Variants in IZUMO4 observed in about 807,000 individuals in gnomAD.
The protein encoded by IZUMO4 is IZUMO family member 4, also known as izumo sperm-egg fusion protein 4.
Under a neutral mutation model 37.1 loss-of-function variants are expected in IZUMO4, and 51 were observed. The observed-to-expected ratio is 1.38, with a 90% CI of 1.10 to 1.74. The LOEUF is 1.74. Among genes scored for constraint, IZUMO4 ranks in the 40% most tolerant of loss-of-function variants. IZUMO4 has a pLI of 0.00. For missense variants in IZUMO4, 364 were observed against 299.6 expected, an observed-to-expected ratio of 1.21 and a Z score of -1.59; for synonymous variants, 162 against 121.4, an observed-to-expected ratio of 1.33 and a Z score of -2.20.
chr19:2,099,251 G>A lies in IZUMO4; in HGVS notation c.609-4G>A, dbSNP rs11668205. Reference sequence around the variant, plus strand: ...AGAGCTGAGGCAGCCTCGTCTCCCCGCAGCCTGGTATCGCCAGCCTTAAGG... The same window carrying A: ...AGAGCTGAGGCAGCCTCGTCTCCCCACAGCCTGGTATCGCCAGCCTTAAGG... On this transcript the variant is annotated splice_polypyrimidine_tract_variant and splice_region_variant and intron_variant, in intron 9 of 9. Transcript: ENST00000395301. 182,378 of 1,609,968 alleles carry A rather than the reference G, an allele frequency of 0.11. 10,967 individuals carry two copies. The highest frequency in any genetic ancestry group is 0.12 in the Admixed American group (7,432 of 59,966).
At chr19:2,099,050 AGGCCTC>A in intron 9 of IZUMO4, 21 bp downstream of exon 9, 1 of 1,609,906 alleles carries the variant, frequency 6.2e-7, no homozygotes, top group Non-Finnish European at 8.5e-7. Flanking sequence ...CAGAGAAGGG[AGGCCTC>A]GGGAGAAGGG....
chr19:2,099,543 C>A lies in IZUMO4; in HGVS notation c.*198C>A. 3.4e-6 allele frequency: 2 copies of A among 588,150 alleles called. No homozygotes were observed. The highest frequency in any genetic ancestry group is 3.1e-6 in the Non-Finnish European group (1 of 327,690). The allele number at this position is 588,150 out of a possible 1,614,324, so 36.4% of individuals were successfully genotyped here. A position where few individuals can be genotyped will look rare whatever the true frequency, so the allele number is the denominator to read the frequency against. Reference sequence around the variant, plus strand: ...GCGCAGCATCAGCGCCTGGGCAGGTCCGCAGAGCTGCGGGATGTGATTAAA... The same window carrying A: ...GCGCAGCATCAGCGCCTGGGCAGGTACGCAGAGCTGCGGGATGTGATTAAA... On this transcript the variant is annotated 3_prime_UTR_variant, in exon 10 of 10. Transcript: ENST00000395301.
chr19:2,097,759 T>C, intron 3 of IZUMO4, 170 bp from the exon 4 acceptor site: 1 of 825,834 alleles, frequency 1.2e-6, no homozygotes. Context: ...ACGCTGGGGG[T>C]CAACCTGGGG....
rs1344820972 is a variant in IZUMO4, at chr19:2,099,338, AG to A, written c.693del (p.Gln231HisfsTer44). 2.5e-6 allele frequency: 4 copies of A among 1,611,688 alleles called. No homozygotes were observed. The highest frequency in any genetic ancestry group is 3.4e-6 in the Non-Finnish European group (4 of 1,178,952). ...GAAGATGCTGCTGAGTGTCTCAAGC[AG>A]CACTGACAGCAGCTGGGCCTGCCCC... is the stretch of plus-strand genomic sequence containing the variant. ...TLEDAAECLK[Q>X]H On this transcript the variant is annotated frameshift_variant, in exon 10 of 10. Transcript: ENST00000395301. LOFTEE classifies it high-confidence loss of function.
chr19:2,097,387 C>A (rs751483487), intron 2 of IZUMO4, 37 bp from the exon 3 acceptor site: 162 of 1,610,104 alleles, frequency 1.0e-4, no homozygotes, highest in Non-Finnish European at 1.3e-4. Flanking sequence ...CCCCGCCCAC[C>A]GCCTGAGCCT....
At position 2,099,489 on chromosome 19, in the gene IZUMO4, G is replaced by A. The variant is rs1056407341; in HGVS notation, c.*144G>A. 11 of 592,214 alleles carry A rather than the reference G, an allele frequency of 1.9e-5. No individual in the cohort carries two copies. Among genetic ancestry groups the A allele is most frequent in the Non-Finnish European group, 3.1e-5 (10 of 324,936 alleles). 36.7% of individuals were successfully genotyped at this position (592,214 alleles called of 1,614,324 possible). Reference sequence around the variant, plus strand: ...AGCTGAGCTGGCCAGGGCCAGGAGGGCGGGAGGGAGGGAATGGGGGTGGGC... The same window carrying A: ...AGCTGAGCTGGCCAGGGCCAGGAGGACGGGAGGGAGGGAATGGGGGTGGGC... On this transcript the variant is annotated 3_prime_UTR_variant, in exon 10 of 10. Transcript: ENST00000395301.
chr19:2,097,585 G>C, intron 3 of IZUMO4, 90 bp downstream of exon 3: 1 of 1,136,320 alleles, frequency 8.8e-7, no homozygotes, highest in Non-Finnish European at 1.3e-6. Flanking sequence ...ATGTGAACAG[G>C]GCACCTGGCA....
rs772214977 is a variant in IZUMO4 at position 2,097,177 on chromosome 19, C to A, written c.217+15C>A. On this transcript the variant is annotated intron_variant, in intron 1 of 9. Transcript: ENST00000395301. ...CGCCAAGATCAGTGAGTGCCGGAGC[C>A]CAGCCCAGTCCCGACTACCCCGCCA... 6.2e-7 allele frequency: 1 copy of A among 1,606,078 alleles called. No homozygotes were observed. The highest frequency in any genetic ancestry group is 8.5e-7 in the Non-Finnish European group (1 of 1,175,132).
chr19:2,098,670 GT>G, intron 7 of IZUMO4, 116 bp from the exon 8 acceptor site: 1 of 1,561,720 alleles, frequency 6.4e-7, no homozygotes. Context: ...TTCCTAAAGG[GT>G]CCCCATAGGG....
At chr19:2,097,603 G>A (rs1412406764) in intron 3 of IZUMO4, 108 bp downstream of exon 3, 1 of 1,023,768 alleles carries the variant, frequency 9.8e-7, no homozygotes, top group Admixed American at 1.7e-5. Context: ...GCACCAGGCA[G>A]CTGGGGAGGA....
Position 2,099,460 on chromosome 19 carries a change from A to C in IZUMO4, c.*115A>C. ...CTCAGGACCCCCTCTCCGACCCCGGACAGAGCTGAGCTGGCCAGGGCCAGG... is the reference window on the plus strand; with the variant it reads ...CTCAGGACCCCCTCTCCGACCCCGGCCAGAGCTGAGCTGGCCAGGGCCAGG... On this transcript the variant is annotated 3_prime_UTR_variant, in exon 10 of 10. Coordinates refer to ENST00000395301, the MANE Select transcript of IZUMO4 (RefSeq NM_001039846.2). 1.9e-6 allele frequency: 1 copy of C among 531,796 alleles called. No homozygotes were observed. The allele number at this position is 531,796 out of a possible 1,614,324, so 32.9% of individuals were successfully genotyped here.
rs763863072 is a variant in IZUMO4 at position 2,099,380 on chromosome 19, C to T, written c.*35C>T. The T allele has an allele frequency of 3.1e-5, 45 of 1,463,802 alleles. No homozygotes were observed. The highest frequency in any genetic ancestry group is 1.8e-4 in the Middle Eastern group (1 of 5,644). The allele number at this position is 1,463,802 out of a possible 1,614,324, so 90.7% of individuals were successfully genotyped here. Reference sequence around the variant, plus strand: ...GGCCTGCCCCAGGGCAACGTGGGGGCGGAGACTCAGCTGGACAGCCCCTGC... The same window carrying T: ...GGCCTGCCCCAGGGCAACGTGGGGGTGGAGACTCAGCTGGACAGCCCCTGC... On this transcript the variant is annotated 3_prime_UTR_variant, in exon 10 of 10. Transcript: ENST00000395301.
intron 8 of IZUMO4, 43 bp from the exon 9 acceptor site, chr19:2,098,933 T>C: frequency 6.2e-7 from 1 of 1,607,166 alleles, no homozygotes; most frequent in Non-Finnish European, 8.5e-7. Context: ...ACCTGCTGGA[T>C]GTCACCTCTG....
intron 3 of IZUMO4, 62 bp from the exon 4 acceptor site, chr19:2,097,867 A>G: frequency 6.3e-7 from 1 of 1,599,242 alleles, no homozygotes; most frequent in South Asian, 1.1e-5. Context: ...GAGGGTTGGG[A>G]GGAGGCAGGA....
chr19:2,098,587 G>A lies in IZUMO4; in HGVS notation c.536+137G>A, dbSNP rs555979363. Reference sequence around the variant, plus strand: ...CCCGAGGAGGTGGAACCTCAACCCAGCTCTGCGCAGGAGGCGGCTGCAGTC... The same window carrying A: ...CCCGAGGAGGTGGAACCTCAACCCAACTCTGCGCAGGAGGCGGCTGCAGTC... On this transcript the variant is annotated intron_variant, in intron 7 of 9. Coordinates refer to ENST00000395301, the MANE Select transcript of IZUMO4 (RefSeq NM_001039846.2). The A allele has an allele frequency of 3.8e-6, 6 of 1,599,778 alleles. No individual in the cohort carries two copies. In the Admixed American group the frequency reaches 8.5e-5, roughly 23 times the overall value.
At chr19:2,098,942 T>G in intron 8 of IZUMO4, 34 bp from the exon 9 acceptor site, 1 of 1,610,904 alleles carries the variant, frequency 6.2e-7, no homozygotes, top group Non-Finnish European at 8.5e-7. Context: ...ATGTCACCTC[T>G]GCAACCACAC....
chr19:2,097,426 T>A lies in IZUMO4; in HGVS notation c.301T>A (p.Tyr101Asn). 2 of 1,517,048 alleles carry A rather than the reference T, an allele frequency of 1.3e-6. No individual in the cohort carries two copies. Among genetic ancestry groups the A allele is most frequent in the Non-Finnish European group, 1.8e-6 (2 of 1,126,302 alleles). 94.0% of individuals were successfully genotyped at this position (1,517,048 alleles called of 1,614,324 possible). A position where few individuals can be genotyped will look rare whatever the true frequency, so the allele number is the denominator to read the frequency against. ...CTTCTCCTGCCTCGACGACTCAGGGTATTTCCCCAACGAGCTGCGAAACAT... is the reference window on the plus strand; with the variant it reads ...CTTCTCCTGCCTCGACGACTCAGGGAATTTCCCCAACGAGCTGCGAAACAT... ...LYQGKMYFPG[Y>N]FPNELRNIFR... The change falls in exon 3 of 10, where the codon TAT becomes AAT. Residue 101 changes from tyrosine (Y) to asparagine (N), a missense_variant and splice_region_variant. Coordinates refer to ENST00000395301, the MANE Select transcript of IZUMO4 (RefSeq NM_001039846.2).
Position 2,096,994 on chromosome 19 carries a change from G to C in IZUMO4, c.49G>C (p.Gly17Arg). ...LVCLTAALAH[G>R]CLHCHSNFSK... is the part of the protein sequence containing the mutation. ...GTGCCTGACGGCGGCGCTGGCCCAC[G>C]GCTGTCTGCACTGCCACAGCAACTT... Residue 17 changes from glycine to arginine, a missense_variant, in exon 1 of 10, where the codon GGC becomes CGC. Physicochemically the swap from Gly to Arg is moderately radical, Grantham distance 125. Coordinates refer to ENST00000395301, the MANE Select transcript of IZUMO4 (RefSeq NM_001039846.2). 4 of 1,610,246 alleles carry C rather than the reference G, an allele frequency of 2.5e-6. No homozygotes were observed. Among genetic ancestry groups the C allele is most frequent in the South Asian group, 1.1e-5 (1 of 91,078 alleles).
At chr19:2,097,637 CAGCCT>C (rs1313279648) in intron 3 of IZUMO4, 142 bp downstream of exon 3, 2 of 814,994 alleles carry the variant, frequency 2.5e-6, no homozygotes, top group Non-Finnish European at 4.2e-6. Context: ...GGGAGGGACC[CAGCCT>C]AGCACCTGAA....
Sources: allele counts gnomAD v4.1 joint callset, GRCh38; gene constraint gnomAD v4.1.1; transcripts MANE v1.5; gene names NCBI Gene and HGNC (gene_info 2026-07-23, HGNC 2026-07-21).